GRIN2A: variants seen among roughly 807,000 people sequenced by gnomAD.
GRIN2A encodes glutamate ionotropic receptor NMDA type subunit 2A.
A neutral mutation model predicts 113.4 loss-of-function variants in GRIN2A; 22 were observed. The ratio of observed to expected loss-of-function variants is 0.19; its 90% CI spans 0.14 to 0.28. The LOEUF (loss-of-function observed/expected upper bound fraction) is 0.28, where lower values mean the gene tolerates loss of function less well. Ranked by LOEUF, GRIN2A falls within the 10% of genes least tolerant of loss-of-function variation. The pLI is 1.00. For missense variants in GRIN2A, 1,502 were observed against 1,887.0 expected, an observed-to-expected ratio of 0.80 and a Z score of 3.78; for synonymous variants, 827 against 738.4, an observed-to-expected ratio of 1.12 and a Z score of -1.94.
chr16:9,923,938 C>G (rs1221961494), intron 3 of GRIN2A, among the ~76,000 whole-genome samples: 2 of 151,840 alleles, frequency 1.3e-5, no homozygotes. Flanking sequence ...ACCAGCCTGG[C>G]CAACATGGTG....
At chr16:9,799,630 C>T (rs1903232205) in intron 10 of GRIN2A, among the ~76,000 whole-genome samples, 1 of 152,152 alleles carries the variant, frequency 6.6e-6, no homozygotes, top group African/African-American at 2.4e-5. Context: ...GATGGGTCCA[C>T]GGGCTGTAGT....
intron 10 of GRIN2A, among the ~76,000 whole-genome samples, chr16:9,806,807 G>GT (rs904119424): frequency 3.9e-5 from 6 of 151,970 alleles, no homozygotes; most frequent in African/African-American, 1.4e-4. Context: ...ATAGAAGAAG[G>GT]TAACGGGGAA....
chr16:10,055,282 G>A (rs2047437880), intron 2 of GRIN2A, among the ~76,000 whole-genome samples: 1 of 151,800 alleles, frequency 6.6e-6, no homozygotes, highest in African/African-American at 2.4e-5. Context: ...GAGGGTGGCA[G>A]GCTTCAGCAG....
chr16:9,857,379 A>G (rs539087616), intron 4 of GRIN2A, among the ~76,000 whole-genome samples: 1 of 152,248 alleles, frequency 6.6e-6, no homozygotes, highest in Non-Finnish European at 1.5e-5. Flanking sequence ...GAAACTGGGC[A>G]TTAGGTATGT....
intron 4 of GRIN2A, among the ~76,000 whole-genome samples, chr16:9,872,071 T>C (rs1596523385): frequency 1.3e-5 from 2 of 152,260 alleles, no homozygotes; most frequent in Admixed American, 1.3e-4. Flanking sequence ...TTAAGAGAGA[T>C]CATGCATCTA....
chr16:9,768,821 T>C, intron 12 of GRIN2A, 30 bp downstream of exon 12: 1 of 1,485,584 alleles, frequency 6.7e-7, no homozygotes. Context: ...CTGCTTGCAG[T>C]GCAAGAAAGT....
At chr16:9,889,694 T>C (rs1343421237) in intron 4 of GRIN2A, among the ~76,000 whole-genome samples, 2 of 152,210 alleles carry the variant, frequency 1.3e-5, no homozygotes, top group Admixed American at 6.5e-5. Flanking sequence ...CTAATGTCTT[T>C]CTGATTTCTT....
rs181169635 is a variant in GRIN2A, at chr16:10,064,454, C to T, written c.414+115544G>A. On this transcript the variant is annotated intron_variant, in intron 2 of 12. Transcript: ENST00000330684. The stretch of plus-strand genomic sequence containing the variant: ...ACATTTTCAACTAGGACTTTATCAA[C>T]GGGAAAAAGATGGACAGCTTCACTC... 7.9e-5 allele frequency among the ~76,000 whole-genome samples: 12 copies of T among 152,280 alleles called. 1 individual carries two copies. The highest frequency in any genetic ancestry group is 2.1e-4 in the South Asian group (1 of 4,828).
At chr16:9,986,764 CAAAAAA>C (rs3065539) in intron 2 of GRIN2A, among the ~76,000 whole-genome samples, 3 of 112,046 alleles carry the variant, frequency 2.7e-5, no homozygotes, top group Non-Finnish European at 1.8e-5. Context: ...GACGCTGTCT[CAAAAAA>C]AAAAAAAAAA....
chr16:10,008,391 A>G (rs1029809577), intron 2 of GRIN2A, among the ~76,000 whole-genome samples: 1 of 152,228 alleles, frequency 6.6e-6, no homozygotes, highest in African/African-American at 2.4e-5. Flanking sequence ...CACAGGGAGT[A>G]GTAAGACTAA....
chr16:9,919,887 C>T (rs1023463215), intron 3 of GRIN2A, among the ~76,000 whole-genome samples: 10 of 152,340 alleles, frequency 6.6e-5, no homozygotes, highest in South Asian at 2.1e-4. Flanking sequence ...CAATCCAAAA[C>T]GCTCTTTCCT....
chr16:10,141,807 T>C (rs1017415917), intron 2 of GRIN2A, among the ~76,000 whole-genome samples: 2 of 152,190 alleles, frequency 1.3e-5, no homozygotes, highest in Admixed American at 1.3e-4. Flanking sequence ...ATTTTACAAA[T>C]GAGATACCAG....
intron 2 of GRIN2A, among the ~76,000 whole-genome samples, chr16:10,065,170 G>T (rs868317385): frequency 2.6e-5 from 4 of 152,162 alleles, no homozygotes; most frequent in Admixed American, 6.5e-5. Flanking sequence ...TTTATTTTAA[G>T]GTACCTCGCC....
chr16:10,003,089 G>A (rs887584464), intron 2 of GRIN2A, among the ~76,000 whole-genome samples: 2 of 152,208 alleles, frequency 1.3e-5, no homozygotes, highest in African/African-American at 4.8e-5. Context: ...TGATGCATGG[G>A]AAGCGAATAC....
At chr16:10,086,650 G>C (rs2048091915) in intron 2 of GRIN2A, among the ~76,000 whole-genome samples, 1 of 151,020 alleles carries the variant, frequency 6.6e-6, no homozygotes, top group Admixed American at 6.6e-5. Context: ...AAAATATCTG[G>C]CTACATATCT....
chr16:9,875,311 C>T (rs187550226), intron 4 of GRIN2A, among the ~76,000 whole-genome samples: 1 of 152,282 alleles, frequency 6.6e-6, no homozygotes, highest in Admixed American at 6.5e-5. Context: ...AAATCCTCCA[C>T]AGCTTAGAGA....
chr16:9,839,925 T>C (rs1204819205), intron 7 of GRIN2A, among the ~76,000 whole-genome samples: 2 of 152,098 alleles, frequency 1.3e-5, no homozygotes, highest in African/African-American at 2.4e-5. Flanking sequence ...AGGAGTTTGA[T>C]ATCAGTCTGG....
intron 2 of GRIN2A, among the ~76,000 whole-genome samples, chr16:9,973,536 A>T (rs1403257582): frequency 1.3e-5 from 2 of 152,234 alleles, no homozygotes; most frequent in Non-Finnish European, 2.9e-5. Context: ...CCAAAAAGAA[A>T]TTTGGTGAAA....
intron 4 of GRIN2A, among the ~76,000 whole-genome samples, chr16:9,890,767 C>T (rs942431280): frequency 4.6e-5 from 7 of 152,170 alleles, no homozygotes; most frequent in African/African-American, 1.7e-4. Flanking sequence ...AACAGACATA[C>T]AGCGCACCAC....
Sources: gnomAD v4.1 joint callset for allele counts (sites outside exome capture counted in the v4.1 genomes callset) on GRCh38, gnomAD v4.1.1 for gene constraint, MANE v1.5 for transcripts, NCBI Gene and HGNC (gene_info 2026-07-23, HGNC 2026-07-21) for gene names.